The following DDX4 variants were observed in gnomAD, a reference collection of about 807,000 sequenced individuals.
The protein encoded by DDX4 is probable ATP-dependent RNA helicase DDX4.
In DDX4, 25 loss-of-function variants were observed where a neutral mutation model predicts 100.0. That is an observed-to-expected ratio of 0.25 (90% confidence interval 0.18 to 0.35). DDX4 has a LOEUF of 0.35. Among genes scored for constraint, DDX4 ranks in the 10% least tolerant of loss-of-function variants. DDX4 has a pLI of 1.00. For missense variants in DDX4, 635 were observed against 882.4 expected (o/e 0.72, Z 3.55); for synonymous variants, 259 against 275.7 (o/e 0.94, Z 0.60).
chr5:55,806,109 C>T (rs562697959), intron 18 of DDX4, among the ~76,000 whole-genome samples: 15 of 152,270 alleles, frequency 9.9e-5, no homozygotes, highest in Middle Eastern at 3.4e-3. Context: ...AGTTTATTTG[C>T]GTAGAGGTGT....
intron 20 of DDX4, 57 bp from the exon 21 acceptor site, chr5:55,815,252 CAAGT>C: frequency 1.3e-6 from 2 of 1,593,822 alleles, no homozygotes; most frequent in Non-Finnish European, 1.7e-6. Context: ...GTGTATATAA[CAAGT>C]AAACTTTTCC....
intron 2 of DDX4, among the ~76,000 whole-genome samples, chr5:55,741,306 A>G (rs1299902264): frequency 6.6e-6 from 1 of 152,210 alleles, no homozygotes; most frequent in Non-Finnish European, 1.5e-5. Context: ...ACTAAATTGA[A>G]TATGTTGACC....
At chr5:55,811,651 A>T (rs1166761979) in intron 18 of DDX4, among the ~76,000 whole-genome samples, 1 of 152,158 alleles carries the variant, frequency 6.6e-6, no homozygotes, top group Non-Finnish European at 1.5e-5. Flanking sequence ...AGTTGCAACC[A>T]CTTATGTTAA....
intron 9 of DDX4, among the ~76,000 whole-genome samples, chr5:55,781,583 C>T (rs555642466): frequency 2.0e-5 from 3 of 152,102 alleles, no homozygotes; most frequent in South Asian, 2.1e-4. Context: ...TCGACACCAG[C>T]GTGGCCAACA....
chr5:55,765,956 C>G (rs929316380), intron 6 of DDX4, among the ~76,000 whole-genome samples: 1 of 151,264 alleles, frequency 6.6e-6, no homozygotes, highest in Non-Finnish European at 1.5e-5. Context: ...AGGGGCCCGC[C>G]ATCACGCCCG....
intron 19 of DDX4, among the ~76,000 whole-genome samples, chr5:55,814,486 A>G (rs1243350383): frequency 6.6e-6 from 1 of 150,380 alleles, no homozygotes; most frequent in Admixed American, 6.7e-5. Flanking sequence ...GTGAACATTA[A>G]TGTTAAATGC....
intron 3 of DDX4, among the ~76,000 whole-genome samples, chr5:55,747,210 G>A (rs372965740): frequency 2.0e-5 from 3 of 152,126 alleles, no homozygotes; most frequent in East Asian, 1.9e-4. Flanking sequence ...GTGAAACCCC[G>A]TCTCTACTAA....
chr5:55,756,377 G>A (rs1375742973), intron 3 of DDX4, among the ~76,000 whole-genome samples: 3 of 152,142 alleles, frequency 2.0e-5, no homozygotes. Flanking sequence ...TGGAAGACTT[G>A]ACACTGAATT....
intron 18 of DDX4, among the ~76,000 whole-genome samples, chr5:55,810,030 T>TAA (rs1744025874): frequency 6.6e-6 from 1 of 151,452 alleles, no homozygotes. Context: ...CCGTAAAGCA[T>TAA]ACACACACAC....
chr5:55,785,811 C>T lies in DDX4; in HGVS notation c.804C>T (p.Phe268=), dbSNP rs754067892. Residue 268 remains phenylalanine (F), a synonymous_variant, in exon 13 of 22, where the codon TTC becomes TTT. Transcript: ENST00000505374. ...IFAHYQTGIN[F]DKYDTILVEV... is the part of the protein sequence containing the mutation. ...CACATTATCAGACAGGCATAAACTT[C>T]GACAAATACGACACTATTCTTGTGG... 18 of 1,609,184 alleles carry T rather than the reference C, an allele frequency of 1.1e-5. No homozygotes were observed. The highest frequency in any genetic ancestry group is 8.0e-5 in the African/African-American group (6 of 74,822).
At chr5:55,781,306 T>G (rs1282099508) in intron 9 of DDX4, among the ~76,000 whole-genome samples, 160 bp downstream of exon 9, 1 of 152,226 alleles carries the variant, frequency 6.6e-6, no homozygotes, top group African/African-American at 2.4e-5. Context: ...TTTGTCTCCC[T>G]TATAAAATTT....
At chr5:55,775,194 A>G (rs1288746221) in intron 7 of DDX4, among the ~76,000 whole-genome samples, 1 of 152,194 alleles carries the variant, frequency 6.6e-6, no homozygotes, top group African/African-American at 2.4e-5. Flanking sequence ...CATGCATCAA[A>G]ACTACATTTC....
chr5:55,765,157 ATTCTTT>A, intron 6 of DDX4, among the ~76,000 whole-genome samples: 1 of 152,014 alleles, frequency 6.6e-6, no homozygotes, highest in African/African-American at 2.4e-5. Context: ...CATCATTTTT[ATTCTTT>A]TCCATTTCTA....
chr5:55,794,703 C>T (rs913007327), intron 17 of DDX4, among the ~76,000 whole-genome samples: 1 of 152,134 alleles, frequency 6.6e-6, no homozygotes, highest in South Asian at 2.1e-4. Context: ...TGATTATAAG[C>T]TCTGGGGATA....
At chr5:55,785,552 G>A (rs1742191217) in intron 12 of DDX4, 58 bp downstream of exon 12, 1 of 1,405,660 alleles carries the variant, frequency 7.1e-7, no homozygotes, top group Non-Finnish European at 9.8e-7. Context: ...TAATGCTTAA[G>A]TATTTTACTT....
At chr5:55,770,272 T>C (rs77330153) in intron 7 of DDX4, among the ~76,000 whole-genome samples, 10,592 of 152,212 alleles carry the variant, frequency 0.07, 579 homozygotes, top group African/African-American at 0.15. Context: ...ATGTGAATCT[T>C]GGTCAGTTGC....
At chr5:55,766,215 C>G (rs527324245) in intron 6 of DDX4, among the ~76,000 whole-genome samples, 4 of 151,976 alleles carry the variant, frequency 2.6e-5, no homozygotes, top group Non-Finnish European at 5.9e-5. Flanking sequence ...GTATAGAGAT[C>G]ACTTATTTTT....
chr5:55,804,254 T>G (rs1327851462), intron 18 of DDX4, among the ~76,000 whole-genome samples: 54 of 152,204 alleles, frequency 3.5e-4, no homozygotes, highest in Non-Finnish European at 6.2e-4. Context: ...TGCGAAAATT[T>G]TCTCCCGTTT....
chr5:55,808,379 C>T (rs773108723), intron 18 of DDX4, among the ~76,000 whole-genome samples: 5 of 152,298 alleles, frequency 3.3e-5, no homozygotes, highest in Middle Eastern at 3.4e-3. Flanking sequence ...TTCCTTTGGA[C>T]GAGGAGTGGC....
Sources: gnomAD v4.1 joint callset for allele counts (sites outside exome capture counted in the v4.1 genomes callset) on GRCh38, gnomAD v4.1.1 for gene constraint, MANE v1.5 for transcripts, NCBI Gene and HGNC (gene_info 2026-07-23, HGNC 2026-07-21) for gene names.